The following TENM3 variants were observed in gnomAD, a reference collection of about 807,000 sequenced individuals.
TENM3 encodes teneurin-3.
Under a neutral mutation model 255.1 loss-of-function variants are expected in TENM3, and 63 were observed. The observed-to-expected ratio is 0.25, with a 90% CI of 0.20 to 0.30. The LOEUF is 0.30. TENM3 is among the 10% of genes least tolerant of loss of function. The pLI is 1.00. For synonymous variants in TENM3, 1,306 were observed against 1,322.3 expected, an observed-to-expected ratio of 0.99 and a Z score of 0.27; for missense variants, 2,929 against 3,461.1, an observed-to-expected ratio of 0.85 and a Z score of 3.86.
At position 182,364,812 on chromosome 4, in the gene TENM3, A is replaced by G. The variant is rs1231481653; in HGVS notation, c.511+17883A>G. Among the ~76,000 whole-genome samples, 4 of 152,322 alleles carry G rather than the reference A, an allele frequency of 2.6e-5. No homozygotes were observed. In the East Asian group the frequency reaches 7.7e-4, roughly 29 times the overall value. ...ATGCCATGATTTATCATAATTTAACATATCTACTACTGTTGGACATCCAGG... is the reference window on the plus strand; with the variant it reads ...ATGCCATGATTTATCATAATTTAACGTATCTACTACTGTTGGACATCCAGG... On this transcript the variant is annotated intron_variant, in intron 3 of 27. Transcript: ENST00000511685.
the TENM3 span, among the ~76,000 whole-genome samples, chr4:181,509,898 C>A: frequency 1.3e-5 from 2 of 152,198 alleles, no homozygotes; most frequent in African/African-American, 4.8e-5. Flanking sequence ...TAATTTATTT[C>A]AGTGGAGTAG....
At chr4:182,114,974 G>A in the TENM3 span, among the ~76,000 whole-genome samples, 2 of 152,084 alleles carry the variant, frequency 1.3e-5, no homozygotes, top group Non-Finnish European at 2.9e-5. Context: ...TTGAGGTCAG[G>A]AGTTCGAGAT....
At chr4:182,059,881 C>T in the TENM3 span, among the ~76,000 whole-genome samples, 2 of 151,866 alleles carry the variant, frequency 1.3e-5, no homozygotes, top group African/African-American at 4.8e-5. Flanking sequence ...TGGGGTTAGC[C>T]ATGATTGTGC....
intron 19 of TENM3, among the ~76,000 whole-genome samples, chr4:182,749,935 A>G (rs1163340133): frequency 6.6e-6 from 1 of 151,982 alleles, no homozygotes; most frequent in Non-Finnish European, 1.5e-5. Flanking sequence ...CACCAATTAT[A>G]TATACCTGAA....
chr4:182,494,398 T>C (rs1735566926), intron 3 of TENM3, among the ~76,000 whole-genome samples: 1 of 152,194 alleles, frequency 6.6e-6, no homozygotes, highest in Non-Finnish European at 1.5e-5. Flanking sequence ...TTGTTAGTTA[T>C]ACTGTTATAA....
intron 12 of TENM3, among the ~76,000 whole-genome samples, chr4:182,710,973 G>T (rs1758707417): frequency 6.6e-6 from 1 of 152,154 alleles, no homozygotes; most frequent in East Asian, 1.9e-4. Flanking sequence ...GCCTTTTCCA[G>T]TAGGTTTCTG....
intron 3 of TENM3, among the ~76,000 whole-genome samples, chr4:182,351,728 C>T (rs1765193747): frequency 6.6e-6 from 1 of 152,136 alleles, no homozygotes; most frequent in Non-Finnish European, 1.5e-5. Context: ...ATGTGATGCC[C>T]GGAGGCGGGA....
chr4:182,618,410 T>C (rs1411316411), intron 4 of TENM3, among the ~76,000 whole-genome samples: 2 of 152,124 alleles, frequency 1.3e-5, no homozygotes, highest in Non-Finnish European at 2.9e-5. Flanking sequence ...TTATGACTTA[T>C]TTAATTTTGT....
At chr4:181,905,609 T>C in the TENM3 span, among the ~76,000 whole-genome samples, 1 of 151,832 alleles carries the variant, frequency 6.6e-6, no homozygotes, top group Non-Finnish European at 1.5e-5. Context: ...AAAAATTAGA[T>C]AGCAAATAGA....
At chr4:181,726,218 C>T in the TENM3 span, among the ~76,000 whole-genome samples, 7 of 152,054 alleles carry the variant, frequency 4.6e-5, no homozygotes, top group African/African-American at 1.4e-4. Flanking sequence ...ATAAAACGCA[C>T]ATAATTTTTA....
At chr4:181,671,885 G>A in the TENM3 span, among the ~76,000 whole-genome samples, 9 of 152,164 alleles carry the variant, frequency 5.9e-5, no homozygotes, top group Non-Finnish European at 8.8e-5. Context: ...GCCCAGGGAC[G>A]CATTTCTTAC....
the TENM3 span, among the ~76,000 whole-genome samples, chr4:181,611,200 G>A: frequency 5.9e-5 from 9 of 152,148 alleles, no homozygotes; most frequent in Admixed American, 2.6e-4. Flanking sequence ...GAGCCCAGAC[G>A]TTTCTGGTTT....
intron 3 of TENM3, among the ~76,000 whole-genome samples, chr4:182,424,059 A>G (rs79316241): frequency 1.2e-3 from 176 of 152,306 alleles, no homozygotes; most frequent in African/African-American, 4.0e-3. Flanking sequence ...AATGAGTATA[A>G]ACTAAAACAC....
chr4:182,293,575 T>C (rs1034020506), intron 1 of TENM3, among the ~76,000 whole-genome samples: 3 of 152,212 alleles, frequency 2.0e-5, no homozygotes, highest in African/African-American at 7.2e-5. Flanking sequence ...TTCAAAGGAA[T>C]CCTGATACCT....
intron 3 of TENM3, among the ~76,000 whole-genome samples, chr4:182,565,811 A>G (rs1490642647): frequency 6.6e-6 from 1 of 152,180 alleles, no homozygotes; most frequent in Non-Finnish European, 1.5e-5. Context: ...AGATTTCCAC[A>G]TCTGTTAAAT....
At chr4:181,691,955 G>T in the TENM3 span, among the ~76,000 whole-genome samples, 1 of 152,080 alleles carries the variant, frequency 6.6e-6, no homozygotes, top group East Asian at 1.9e-4. Flanking sequence ...TTTCAACTAG[G>T]TGCTTGTCTT....
At chr4:182,515,720 G>T (rs1580799693) in intron 3 of TENM3, among the ~76,000 whole-genome samples, 1 of 152,042 alleles carries the variant, frequency 6.6e-6, no homozygotes, top group African/African-American at 2.4e-5. Flanking sequence ...ACATATTTTG[G>T]ATGATTTAGA....
the TENM3 span, among the ~76,000 whole-genome samples, chr4:181,578,567 G>C: frequency 6.6e-6 from 1 of 152,146 alleles, no homozygotes; most frequent in Non-Finnish European, 1.5e-5. Flanking sequence ...ATCGGACTCT[G>C]CCACTGACCA....
the TENM3 span, among the ~76,000 whole-genome samples, chr4:181,961,564 C>T: frequency 1.8e-4 from 27 of 152,148 alleles, no homozygotes; most frequent in East Asian, 1.9e-3. Context: ...GGACTACAGG[C>T]GCCCGCCACC....
Sources: allele counts gnomAD v4.1 joint callset (sites outside exome capture counted in the v4.1 genomes callset), GRCh38; gene constraint gnomAD v4.1.1; transcripts MANE v1.5; gene names NCBI Gene and HGNC (gene_info 2026-07-23, HGNC 2026-07-21).